SPTBN1: variants seen among roughly 807,000 people sequenced by gnomAD.
The protein encoded by SPTBN1 is spectrin beta chain, non-erythrocytic 1.
SPTBN1 carries 32 observed loss-of-function variants against 266.4 expected under a neutral mutation model. That is an observed-to-expected ratio of 0.12 (90% CI 0.09 to 0.16). The LOEUF is 0.16. SPTBN1 is among the 10% of genes least tolerant of loss of function. SPTBN1 has a pLI of 1.00. For synonymous variants in SPTBN1, 1,336 were observed against 1,162.2 expected, an observed-to-expected ratio of 1.15 and a Z score of -3.04; for missense variants, 2,296 against 3,067.1, an observed-to-expected ratio of 0.75 and a Z score of 5.94.
At chr2:54,537,740 G>A (rs1284288427) in intron 2 of SPTBN1, among the ~76,000 whole-genome samples, 2 of 152,190 alleles carry the variant, frequency 1.3e-5, no homozygotes, top group Non-Finnish European at 2.9e-5. Context: ...GTGGGCTTCT[G>A]TCTCTGCCCC....
chr2:54,601,759 CTTAA>C (rs2103708890), intron 3 of SPTBN1, among the ~76,000 whole-genome samples: 1 of 152,294 alleles, frequency 6.6e-6, no homozygotes, highest in East Asian at 1.9e-4. Flanking sequence ...ATTCAATTTA[CTTAA>C]TTAATAGATT....
Position 54,487,501 on chromosome 2 carries a change from A to G in SPTBN1, c.-48+30983A>G, listed in dbSNP as rs185832471. ...GCACAACTTAAGAAATACCAACATC[A>G]TTTTCTCTGAGAAGCCTTCCCTGAT... is the stretch of plus-strand genomic sequence containing the variant. On this transcript the variant is annotated intron_variant, in intron 1 of 35. Transcript: ENST00000356805. Among the ~76,000 whole-genome samples the G allele has an allele frequency of 1.9e-4, 29 of 152,196 alleles. 1 individual carries two copies. In the East Asian group the frequency reaches 4.4e-3, roughly 23 times the overall value.
rs1390888248 is a variant in SPTBN1 at position 54,671,097 on chromosome 2, TAAG to T, written c.*2532_*2534del. The T allele has an allele frequency of 6.6e-5, 20 of 301,792 alleles. No homozygotes were observed. In the East Asian group the frequency reaches 1.0e-3, roughly 16 times the overall value. The allele number at this position is 301,792 out of a possible 1,614,324, so 18.7% of individuals were successfully genotyped here. On this transcript the variant is annotated 3_prime_UTR_variant, in exon 36 of 36. Coordinates refer to ENST00000356805, the MANE Select transcript of SPTBN1 (RefSeq NM_003128.3). ...CTGGCCCCTCCATAAATCTGAAGAG[TAAG>T]AAGTAGTGAAAATAAGGCTTAGGAT...
chr2:54,569,613 C>A (rs1413571430), intron 2 of SPTBN1, among the ~76,000 whole-genome samples: 1 of 152,096 alleles, frequency 6.6e-6, no homozygotes, highest in Non-Finnish European at 1.5e-5. Flanking sequence ...TATTTCTGTG[C>A]CTCTTACCAA....
intron 2 of SPTBN1, among the ~76,000 whole-genome samples, chr2:54,568,251 C>T (rs1291991267): frequency 1.3e-5 from 2 of 149,846 alleles, no homozygotes; most frequent in Non-Finnish European, 3.0e-5. Context: ...TGTGGTGGCG[C>T]ACATGTGTAA....
At chr2:54,567,221 C>T (rs1265394077) in intron 2 of SPTBN1, among the ~76,000 whole-genome samples, 1 of 152,058 alleles carries the variant, frequency 6.6e-6, no homozygotes, top group Non-Finnish European at 1.5e-5. Flanking sequence ...CCTTAAAGTA[C>T]AGAGTGAGGA....
rs761014822 is a variant in SPTBN1 at position 54,659,163 on chromosome 2, C to G, written c.6253C>G (p.Leu2085Val). 1.2e-6 allele frequency: 2 copies of G among 1,613,936 alleles called. No homozygotes were observed. The highest frequency in any genetic ancestry group is 1.7e-6 in the Non-Finnish European group (2 of 1,179,904). Reference sequence around the variant, plus strand: ...CTCTATTTTCTCTTAGTTGGAGTTACTGGAAGTGCGCAGACAGCAAGAGGA... The same window carrying G: ...CTCTATTTTCTCTTAGTTGGAGTTAGTGGAAGTGCGCAGACAGCAAGAGGA... ...ALERLTTLEL[L>V]EVRRQQEEEE... The change falls in exon 31 of 36, where the codon CTG (leucine) becomes GTG (valine). Residue 2085 changes from leucine to valine, a missense_variant. By Grantham distance (32) the Leu-to-Val change is conservative (BLOSUM62 1). This residue lies in a region of SPTBN1 where 347 missense variants were observed against 368.5 expected (regional missense o/e 0.94). Coordinates refer to ENST00000356805, the MANE Select transcript of SPTBN1 (RefSeq NM_003128.3).
At chr2:54,599,839 T>G (rs1676361374) in intron 3 of SPTBN1, among the ~76,000 whole-genome samples, 1 of 152,190 alleles carries the variant, frequency 6.6e-6, no homozygotes, top group African/African-American at 2.4e-5. Flanking sequence ...CCAATCTGTT[T>G]CCCAGAGCTG....
At chr2:54,490,544 T>C (rs760142247) in intron 1 of SPTBN1, among the ~76,000 whole-genome samples, 30 of 152,224 alleles carry the variant, frequency 2.0e-4, no homozygotes, top group Non-Finnish European at 3.7e-4. Flanking sequence ...AAATTTCTGA[T>C]TGGGAATAAG....
At chr2:54,603,139 C>T (rs1239431555) in intron 3 of SPTBN1, among the ~76,000 whole-genome samples, 4 of 152,142 alleles carry the variant, frequency 2.6e-5, no homozygotes, top group African/African-American at 9.7e-5. Flanking sequence ...GCCCTCTGGA[C>T]AGGATGTCAA....
In SPTBN1 at chr2:54,653,937, G is replaced by C; in HGVS notation, c.5822+84G>C. ...TCTTCCAGAGAGAAGCAGGAGCCTT[G>C]AAAGCGTTCCTGCCTGAGCGCTTCA... On this transcript the variant is annotated intron_variant, in intron 27 of 35. Coordinates refer to ENST00000356805, the MANE Select transcript of SPTBN1 (RefSeq NM_003128.3). This position sits in a 1 kb window ranked among gnomAD's most constrained non-coding sequence, Gnocchi z 5.1. 6.4e-7 allele frequency: 1 copy of C among 1,556,334 alleles called. No homozygotes were observed. The highest frequency in any genetic ancestry group is 8.6e-7 in the Non-Finnish European group (1 of 1,158,450).
chr2:54,501,441 C>T (rs1351462450), intron 1 of SPTBN1, among the ~76,000 whole-genome samples: 3 of 152,236 alleles, frequency 2.0e-5, no homozygotes, highest in African/African-American at 4.8e-5. Context: ...AACCTTCCTT[C>T]TCCCTTTTAG....
At chr2:54,552,637 A>G (rs1367403324) in intron 2 of SPTBN1, among the ~76,000 whole-genome samples, 2 of 151,860 alleles carry the variant, frequency 1.3e-5, no homozygotes, top group African/African-American at 4.8e-5. Flanking sequence ...TTGTATTTTC[A>G]ATAGAGACTG....
At chr2:54,484,042 A>G (rs1329316039) in intron 1 of SPTBN1, among the ~76,000 whole-genome samples, 1 of 152,066 alleles carries the variant, frequency 6.6e-6, no homozygotes, top group African/African-American at 2.4e-5. Context: ...AAAAAATACA[A>G]AAATTGGCTG....
At chr2:54,610,185 C>T (rs1677117320) in intron 3 of SPTBN1, among the ~76,000 whole-genome samples, 1 of 151,078 alleles carries the variant, frequency 6.6e-6, no homozygotes, top group South Asian at 2.1e-4. Context: ...AACCTCTTTC[C>T]GAAATTATCA....
intron 1 of SPTBN1, among the ~76,000 whole-genome samples, chr2:54,478,775 G>A (rs1027308301): frequency 2.6e-5 from 4 of 152,130 alleles, no homozygotes; most frequent in Admixed American, 6.5e-5. Flanking sequence ...CATGTTTACT[G>A]TTTTCATGTT....
intron 10 of SPTBN1, among the ~76,000 whole-genome samples, 167 bp downstream of exon 10, chr2:54,623,763 A>G (rs750183284): frequency 7.2e-5 from 11 of 151,936 alleles, no homozygotes; most frequent in Non-Finnish European, 1.3e-4. Context: ...CAAGCAAGCA[A>G]TGGTACCGGG....
intron 1 of SPTBN1, among the ~76,000 whole-genome samples, chr2:54,471,237 A>G (rs575636256): frequency 6.6e-6 from 1 of 152,300 alleles, no homozygotes; most frequent in Non-Finnish European, 1.5e-5. Context: ...AAACAAAAAG[A>G]ACAGAATGTA....
chr2:54,636,725 A>C (rs1679169881), intron 17 of SPTBN1, among the ~76,000 whole-genome samples: 1 of 152,246 alleles, frequency 6.6e-6, no homozygotes, highest in South Asian at 2.1e-4. Context: ...AATTGCTCTA[A>C]GAATCGAATG....
Sources: allele counts gnomAD v4.1 joint callset (sites outside exome capture counted in the v4.1 genomes callset), GRCh38; gene constraint gnomAD v4.1.1; regional missense constraint gnomAD v4.1.1; non-coding constraint Gnocchi (gnomAD v3.1); transcripts MANE v1.5; gene names NCBI Gene and HGNC (gene_info 2026-07-23, HGNC 2026-07-21).